The following SMARCD1 variants were observed in gnomAD, a reference collection of about 807,000 sequenced individuals.
The protein encoded by SMARCD1 is SWI/SNF-related matrix-associated actin-dependent regulator of chromatin subfamily D member 1.
SMARCD1 carries 16 observed loss-of-function variants against 70.8 expected under a neutral mutation model. That is an observed-to-expected ratio of 0.23 (90% confidence interval 0.15 to 0.34). The LOEUF (loss-of-function observed/expected upper bound fraction) is 0.34. SMARCD1 is among the 10% of genes least tolerant of loss of function. The pLI is 1.00. For synonymous variants in SMARCD1, 249 were observed against 246.0 expected (o/e 1.01, Z -0.11); for missense variants, 409 against 655.5 (o/e 0.62, Z 4.11).
chr12:50,095,516 G>A (rs981841540), intron 10 of SMARCD1, among the ~76,000 whole-genome samples: 10 of 151,970 alleles, frequency 6.6e-5, no homozygotes, highest in Non-Finnish European at 1.0e-4. Context: ...TAGTAGAGAC[G>A]GAGTTTCACC....
intron 5 of SMARCD1, 109 bp downstream of exon 5, chr12:50,087,594 A>G: frequency 7.6e-7 from 1 of 1,310,684 alleles, no homozygotes; most frequent in Non-Finnish European, 1.1e-6. Flanking sequence ...TCCTTTTGGG[A>G]GCAGTAAGGA....
intron 2 of SMARCD1, 83 bp from the exon 3 acceptor site, chr12:50,086,538 A>G: frequency 7.2e-7 from 1 of 1,396,770 alleles, no homozygotes; most frequent in Non-Finnish European, 1.0e-6. Flanking sequence ...CCTTCACATT[A>G]CTATAAATGG....
At chr12:50,092,235 C>CTTTTTTTTTTTT (rs60619880) in intron 9 of SMARCD1, among the ~76,000 whole-genome samples, 23 of 91,156 alleles carry the variant, frequency 2.5e-4, no homozygotes, top group African/African-American at 5.3e-4. Context: ...TTCTTTCTTT[C>CTTTTTTTTTTTT]TTTTTTTTTT....
intron 9 of SMARCD1, among the ~76,000 whole-genome samples, chr12:50,093,940 C>T (rs753890337): frequency 2.6e-5 from 4 of 151,912 alleles, no homozygotes; most frequent in Non-Finnish European, 4.4e-5. Flanking sequence ...CTACCACGTC[C>T]GGCTAGTTTT....
intron 2 of SMARCD1, 131 bp downstream of exon 2, chr12:50,086,479 T>TTGGTGGTGGTGG (rs143955263): frequency 3.5e-5 from 27 of 781,594 alleles, no homozygotes; most frequent in African/African-American, 1.3e-4. Flanking sequence ...TTGAGAATGC[T>TTGGTGGTGGTGG]TGGTGGTGGT....
chr12:50,091,901 A>G (rs1281423900), intron 9 of SMARCD1, among the ~76,000 whole-genome samples: 4 of 152,154 alleles, frequency 2.6e-5, no homozygotes, highest in South Asian at 4.1e-4. Context: ...TTAAAGCCCA[A>G]AGATCAGCAA....
Position 50,099,010 on chromosome 12 carries a change from C to T in SMARCD1, c.*10C>T. 6.2e-7 allele frequency: 1 copy of T among 1,613,136 alleles called. No individual in the cohort carries two copies. The highest frequency in any genetic ancestry group is 8.5e-7 in the Non-Finnish European group (1 of 1,179,100). On this transcript the variant is annotated 3_prime_UTR_variant, in exon 13 of 13. Coordinates refer to ENST00000394963, the MANE Select transcript of SMARCD1 (RefSeq NM_003076.5). ...AATCCGGAATACATAGGGCCTCTCCCACAGCCCTGATTCGACTGCACCAAT... is the reference window on the plus strand; with the variant it reads ...AATCCGGAATACATAGGGCCTCTCCTACAGCCCTGATTCGACTGCACCAAT...
chr12:50,094,373 G>T, intron 9 of SMARCD1, 64 bp from the exon 10 acceptor site: 2 of 1,514,446 alleles, frequency 1.3e-6, no homozygotes, highest in South Asian at 2.5e-5. Context: ...TCATCTTTTT[G>T]ACCCTGTGTA....
At position 50,094,039 on chromosome 12, in the gene SMARCD1, C is replaced by T. The variant is rs571301395; in HGVS notation, c.1134-398C>T. Among the ~76,000 whole-genome samples, 8 of 152,318 alleles carry T rather than the reference C, an allele frequency of 5.3e-5. No individual in the cohort carries two copies. The East Asian group carries it at 1.5e-3, about 29-fold the overall frequency. On this transcript the variant is annotated intron_variant, in intron 9 of 12. Coordinates refer to ENST00000394963, the MANE Select transcript of SMARCD1 (RefSeq NM_003076.5). Reference sequence around the variant, plus strand: ...GTGCTGGGATTACAGGCATAAGCCACCACGCCTGGCTGCCAAATATTTTTT... The same window carrying T: ...GTGCTGGGATTACAGGCATAAGCCATCACGCCTGGCTGCCAAATATTTTTT...
chr12:50,085,612 A>C, intron 1 of SMARCD1, 66 bp downstream of exon 1: 13 of 559,836 alleles, frequency 2.3e-5, no homozygotes, highest in East Asian at 1.3e-4. Context: ...TGGGAGTGAC[A>C]GGGGTGGGGG....
intron 10 of SMARCD1, among the ~76,000 whole-genome samples, chr12:50,094,924 A>G (rs921553065): frequency 2.6e-5 from 4 of 152,066 alleles, no homozygotes; most frequent in Admixed American, 6.5e-5. Flanking sequence ...CAGCCTCCCA[A>G]GTAGCTGGGA....
chr12:50,094,640 A>G (rs2137896591), intron 10 of SMARCD1, 68 bp downstream of exon 10: 9 of 1,477,704 alleles, frequency 6.1e-6, no homozygotes, highest in Non-Finnish European at 8.4e-6. Flanking sequence ...CCTCCTTTTG[A>G]TTCTTAGTGT....
chr12:50,090,605 G>A lies in SMARCD1; in HGVS notation c.1133+15G>A. 1 of 1,590,562 alleles carries A rather than the reference G, an allele frequency of 6.3e-7. No individual in the cohort carries two copies. The highest frequency in any genetic ancestry group is 1.1e-5 in the South Asian group (1 of 90,566). Reference sequence around the variant, plus strand: ...CATGTCATCAGGTAGGCCTGTGTGTGGGAGGCAGTGCTGTGCCGGAGCTGC... The same window carrying A: ...CATGTCATCAGGTAGGCCTGTGTGTAGGAGGCAGTGCTGTGCCGGAGCTGC... On this transcript the variant is annotated intron_variant, in intron 9 of 12. Coordinates refer to ENST00000394963, the MANE Select transcript of SMARCD1 (RefSeq NM_003076.5).
At position 50,100,013 on chromosome 12, in the gene SMARCD1, CTGAGTTGGGTT is replaced by C. The variant is rs560394275; in HGVS notation, c.*1016_*1026del. ...AAGCGCCTAGGGCTGGAGAATAGCG[CTGAGTTGGGTT>C]TGTGACTCTTCCCTCTCCCTGCCTC... On this transcript the variant is annotated 3_prime_UTR_variant, in exon 13 of 13. Transcript: ENST00000394963. The C allele has an allele frequency of 6.5e-6, 1 of 152,836 alleles. No homozygotes were observed. The highest frequency in any genetic ancestry group is 6.5e-5 in the Admixed American group (1 of 15,308). 9.5% of individuals were successfully genotyped at this position (152,836 alleles called of 1,614,324 possible).
chr12:50,098,355 G>C (rs763833531), intron 11 of SMARCD1: 1 of 247,086 alleles, frequency 4.0e-6, no homozygotes, highest in Non-Finnish European at 8.0e-6. Context: ...CTGGGAGGGA[G>C]ACTCTGTTCT....
At position 50,085,447 on chromosome 12, in the gene SMARCD1, T is replaced by A; in HGVS notation, c.78T>A (p.Ala26=). 2 of 1,239,540 alleles carry A rather than the reference T, an allele frequency of 1.6e-6. No individual in the cohort carries two copies. Among genetic ancestry groups the A allele is most frequent in the Non-Finnish European group, 1.0e-6 (1 of 992,810 alleles). 76.8% of individuals were successfully genotyped at this position (1,239,540 alleles called of 1,614,324 possible). The change falls in exon 1 of 13, where the codon GCT becomes GCA. Residue 26 remains alanine (A), a synonymous_variant. Coordinates refer to ENST00000394963, the MANE Select transcript of SMARCD1 (RefSeq NM_003076.5). The part of the protein sequence containing the change: ...AGASGGAGAA[A]ALGPGGTPGP... Reference sequence around the variant, plus strand: ...CCTCAGGAGGGGCGGGCGCGGCTGCTGCCTTGGGCCCGGGCGGAACTCCGG... The same window carrying A: ...CCTCAGGAGGGGCGGGCGCGGCTGCAGCCTTGGGCCCGGGCGGAACTCCGG...
chr12:50,091,726 G>C (rs1437170582), intron 9 of SMARCD1, among the ~76,000 whole-genome samples: 3 of 152,086 alleles, frequency 2.0e-5, no homozygotes, highest in African/African-American at 7.2e-5. Flanking sequence ...ACAGGCACCT[G>C]CTACCATGCC....
chr12:50,085,833 G>GCC, intron 1 of SMARCD1: 1 of 392,604 alleles, frequency 2.5e-6, no homozygotes, highest in Non-Finnish European at 4.5e-6. Flanking sequence ...CAGCTCCAGT[G>GCC]ATCAGAGGAA....
intron 11 of SMARCD1, among the ~76,000 whole-genome samples, chr12:50,097,752 G>C (rs941705545): frequency 6.6e-6 from 1 of 151,794 alleles, no homozygotes; most frequent in Non-Finnish European, 1.5e-5. Flanking sequence ...TCAGCCAGGC[G>C]TGGTGGCGGG....
Sources: allele counts gnomAD v4.1 joint callset (sites outside exome capture counted in the v4.1 genomes callset), GRCh38; gene constraint gnomAD v4.1.1; transcripts MANE v1.5; gene names NCBI Gene and HGNC (gene_info 2026-07-23, HGNC 2026-07-21).